The following TUB variants were observed in gnomAD, a reference collection of about 807,000 sequenced individuals.
The protein encoded by TUB is TUB bipartite transcription factor.
TUB carries 33 observed loss-of-function variants against 59.7 expected under a neutral mutation model. That is an observed-to-expected ratio of 0.55 (90% CI 0.42 to 0.74). The LOEUF is 0.74. TUB is among the 30% of genes least tolerant of loss of function. The pLI, the probability that TUB is intolerant of heterozygous loss-of-function variation, is 0.00. For synonymous variants in TUB, 293 were observed against 256.4 expected (o/e 1.14, Z -1.36); for missense variants, 659 against 672.0 (o/e 0.98, Z 0.21).
intron 2 of TUB, among the ~76,000 whole-genome samples, chr11:8,064,151 T>C (rs1029923081): frequency 6.6e-6 from 1 of 152,186 alleles, no homozygotes; most frequent in Admixed American, 6.5e-5. Flanking sequence ...GTCAGGGCCA[T>C]AGTTTCCAAA....
intron 2 of TUB, among the ~76,000 whole-genome samples, chr11:8,055,395 A>G (rs968103707): frequency 7.2e-5 from 11 of 152,168 alleles, no homozygotes; most frequent in Non-Finnish European, 1.3e-4. Context: ...CCCTGTGCCC[A>G]TCAGGACCCG....
At chr11:8,067,400 T>C (rs1440282967) in intron 2 of TUB, 3 of 152,138 alleles carry the variant, frequency 2.0e-5, no homozygotes, top group Non-Finnish European at 2.9e-5. Context: ...AAACTGGAAA[T>C]AATAATAGTA....
intron 3 of TUB, 93 bp from the exon 4 acceptor site, chr11:8,093,953 A>C: frequency 1.3e-6 from 2 of 1,532,004 alleles, no homozygotes; most frequent in Non-Finnish European, 9.0e-7. Flanking sequence ...GGTGCAGTCA[A>C]AAATGCTGTG....
intron 2 of TUB, chr11:8,068,073 A>C (rs1943280777): frequency 6.6e-6 from 1 of 152,256 alleles, no homozygotes; most frequent in African/African-American, 2.4e-5. Context: ...AAATCATGGA[A>C]TCCCCTGACG....
At position 8,100,568 on chromosome 11, in the gene TUB, G is replaced by A; in HGVS notation, c.1182G>A (p.Met394Ile). ...KMSVIVPGMN[M>I]VHERVSIRPR... ...GCGTGATTGTCCCAGGCATGAACAT[G>A]GTTCATGAGAGAGTCTCTATCCGCC... Residue 394 changes from methionine to isoleucine, a missense_variant, in exon 10 of 12, where the codon ATG becomes ATA. This residue lies in a region of TUB where 226 missense variants were observed against 210.8 expected (regional missense o/e 1.07). Transcript: ENST00000299506. 3 of 1,614,116 alleles carry A rather than the reference G, an allele frequency of 1.9e-6. No homozygotes were observed. The highest frequency in any genetic ancestry group is 2.5e-6 in the Non-Finnish European group (3 of 1,180,000).
At chr11:8,072,416 G>A (rs1410512628) in intron 2 of TUB, among the ~76,000 whole-genome samples, 2 of 152,174 alleles carry the variant, frequency 1.3e-5, no homozygotes, top group Admixed American at 1.3e-4. Context: ...CATGCCACAG[G>A]CTTGGTGAGG....
At position 8,102,234 on chromosome 11, in the gene TUB, G is replaced by C. The variant is rs1005855063; in HGVS notation, c.*615G>C. Reference sequence around the variant, plus strand: ...GTGGCAGGACCCTGTCAGGATTGCAGGTGCCTGGCTTGCTGTGGCTATGGG... The same window carrying C: ...GTGGCAGGACCCTGTCAGGATTGCACGTGCCTGGCTTGCTGTGGCTATGGG... On this transcript the variant is annotated 3_prime_UTR_variant, in exon 12 of 12. Coordinates refer to ENST00000299506, the MANE Select transcript of TUB (RefSeq NM_177972.3). The C allele has an allele frequency of 6.6e-6, 1 of 152,234 alleles. No homozygotes were observed. The highest frequency in any genetic ancestry group is 2.4e-5 in the African/African-American group (1 of 41,424). The allele number at this position is 152,234 out of a possible 1,614,324, so 9.4% of individuals were successfully genotyped here. A position where few individuals can be genotyped will look rare whatever the true frequency, so the allele number is the denominator to read the frequency against.
intron 2 of TUB, among the ~76,000 whole-genome samples, chr11:8,059,258 G>A (rs1430954048): frequency 6.6e-6 from 1 of 152,166 alleles, no homozygotes; most frequent in Non-Finnish European, 1.5e-5. Context: ...ACAGGTCAGA[G>A]GAAGAAGACG....
chr11:8,036,987 G>C (rs932043644), upstream of TUB, among the ~76,000 whole-genome samples: 2 of 152,236 alleles, frequency 1.3e-5, no homozygotes, highest in Admixed American at 1.3e-4. Flanking sequence ...TGTTGTGCTT[G>C]AGAAAGTGCT....
At chr11:8,039,625 C>T (rs758935368) in intron 1 of TUB, 46 of 1,477,616 alleles carry the variant, frequency 3.1e-5, no homozygotes, top group Non-Finnish European at 4.0e-5. Context: ...TGGAGAGTCA[C>T]CCCTTCTTTT....
intron 2 of TUB, among the ~76,000 whole-genome samples, chr11:8,058,796 G>C (rs767250324): frequency 2.0e-5 from 3 of 152,356 alleles, no homozygotes; most frequent in Non-Finnish European, 2.9e-5. Flanking sequence ...GTTGGCTACA[G>C]ATAAAGAGTT....
At chr11:8,068,785 G>A (rs1203588769) in intron 2 of TUB, 1 of 152,252 alleles carries the variant, frequency 6.6e-6, no homozygotes, top group Non-Finnish European at 1.5e-5. Context: ...TTTGTTATCT[G>A]TGTCCATCTG....
Position 8,105,111 on chromosome 11 carries a change from C to T in TUB, c.*3492C>T, listed in dbSNP as rs767351631. The T allele has an allele frequency of 2.6e-5, 4 of 152,180 alleles. No individual in the cohort carries two copies. The highest frequency in any genetic ancestry group is 4.4e-5 in the Non-Finnish European group (3 of 68,034). The allele number at this position is 152,180 out of a possible 1,614,324, so 9.4% of individuals were successfully genotyped here. On this transcript the variant is annotated 3_prime_UTR_variant, in exon 12 of 12. Coordinates refer to ENST00000299506, the MANE Select transcript of TUB (RefSeq NM_177972.3). ...GATGCTGGGATAGCCATTTCCATGG[C>T]TCTGTTATGCAAGCACAAATTTCAT...
chr11:8,038,830 T>G (rs201373378), exon 1 of TUB: 1 of 1,602,858 alleles, frequency 6.2e-7, no homozygotes, highest in East Asian at 2.2e-5. Flanking sequence ...CTATGCAGCC[T>G]GAAGTGGGAC....
chr11:8,053,026 A>C (rs992856778), intron 2 of TUB, among the ~76,000 whole-genome samples: 2 of 152,242 alleles, frequency 1.3e-5, no homozygotes. Flanking sequence ...AACAATGCTT[A>C]GTTATATTCT....
rs1589970530 is a variant in TUB, at chr11:8,094,151, G to A, written c.359G>A (p.Gly120Asp). Reference protein sequence around the residue: ...TKAAATAGGQGGAARKEKKGK... With the variant: ...TKAAATAGGQDGAARKEKKGK... ...GCGGCAGCTACAGCAGGGGGCCAGG[G>A]TGGCGCCGCTAGGAAGGAGAAGAAG... The change falls in exon 4 of 12, where the codon GGT (glycine) becomes GAT (aspartate). Residue 120 changes from glycine to aspartate, a missense_variant. Physicochemically the swap from Gly to Asp is moderately conservative, Grantham distance 94. Around this residue, in one of 3 missense-constraint regions of TUB, gnomAD observed 321 missense variants for 304.3 expected, o/e 1.05. Coordinates refer to ENST00000299506, the MANE Select transcript of TUB (RefSeq NM_177972.3). 1.9e-6 allele frequency: 3 copies of A among 1,614,022 alleles called. No individual in the cohort carries two copies. The highest frequency in any genetic ancestry group is 2.5e-6 in the Non-Finnish European group (3 of 1,179,956).
At chr11:8,029,913 G>A (rs1259177476) in intron 1 of TUB, among the ~76,000 whole-genome samples, 4 of 152,154 alleles carry the variant, frequency 2.6e-5, no homozygotes, top group Non-Finnish European at 4.4e-5. Flanking sequence ...CTTTTTGAGT[G>A]CAGCTACTTC....
intron 2 of TUB, among the ~76,000 whole-genome samples, chr11:8,071,928 G>A (rs1202739588): frequency 6.6e-6 from 1 of 152,236 alleles, no homozygotes; most frequent in Non-Finnish European, 1.5e-5. Context: ...GCTGGGACAG[G>A]GCCACCTGGC....
At chr11:8,020,408 G>A (rs1252281492) in intron 1 of TUB, among the ~76,000 whole-genome samples, 1 of 152,052 alleles carries the variant, frequency 6.6e-6, no homozygotes, top group Non-Finnish European at 1.5e-5. Flanking sequence ...AGATTCAGAG[G>A]AACAGGTGTC....
Sources: gnomAD v4.1 joint callset for allele counts (sites outside exome capture counted in the v4.1 genomes callset) on GRCh38, gnomAD v4.1.1 for gene constraint, gnomAD v4.1.1 regional missense constraint, MANE v1.5 for transcripts, NCBI Gene and HGNC (gene_info 2026-07-23, HGNC 2026-07-21) for gene names.